The following SYN3 variants were observed in gnomAD, a reference collection of about 807,000 sequenced individuals.
SYN3 encodes the protein synapsin-3.
In SYN3, 35 loss-of-function variants were observed where a neutral mutation model predicts 65.8. That is an observed-to-expected ratio of 0.53 (90% CI 0.41 to 0.70). SYN3 has a LOEUF of 0.70. Among genes scored for constraint, SYN3 ranks in the 30% least tolerant of loss-of-function variants. The pLI is 0.00. For synonymous variants in SYN3, 270 were observed against 292.9 expected, an observed-to-expected ratio of 0.92 and a Z score of 0.80; for missense variants, 680 against 749.0, an observed-to-expected ratio of 0.91 and a Z score of 1.08.
chr22:32,955,497 A>G (rs1601779118), intron 3 of SYN3, among the ~76,000 whole-genome samples: 1 of 152,306 alleles, frequency 6.6e-6, no homozygotes, highest in East Asian at 1.9e-4. Context: ...CTTGCTTGAT[A>G]TTTTAAAGAT....
intron 6 of SYN3, among the ~76,000 whole-genome samples, chr22:32,600,975 C>A (rs146126574): frequency 3.5e-4 from 54 of 152,290 alleles, no homozygotes; most frequent in African/African-American, 1.2e-3. Context: ...GCGTGAGCCA[C>A]CCCTCCCGGC....
At chr22:33,056,198 C>A (rs1252443737) in intron 1 of SYN3, among the ~76,000 whole-genome samples, 1 of 152,166 alleles carries the variant, frequency 6.6e-6, no homozygotes, top group Admixed American at 6.6e-5. Context: ...TTATTAAAAG[C>A]TCCTCACAAA....
At chr22:32,586,528 G>A (rs190112376) in intron 7 of SYN3, among the ~76,000 whole-genome samples, 2 of 152,068 alleles carry the variant, frequency 1.3e-5, no homozygotes, top group East Asian at 1.9e-4. Context: ...ACTACACTTC[G>A]AGGGCATTTT....
At chr22:32,748,561 A>C (rs2045011196) in intron 6 of SYN3, among the ~76,000 whole-genome samples, 1 of 152,210 alleles carries the variant, frequency 6.6e-6, no homozygotes, top group Non-Finnish European at 1.5e-5. Flanking sequence ...GCATGGGAGA[A>C]TTCATTCATT....
Position 32,734,513 on chromosome 22 carries a change from G to GCAGGCAGGCAGGCAGACAGA in SYN3, c.711+130401_711+130402insTCTGTCTGCCTGCCTGCCTG, listed in dbSNP as rs1555941120. Among the ~76,000 whole-genome samples, 19 of 151,442 alleles carry GCAGGCAGGCAGGCAGACAGA rather than the reference G, an allele frequency of 1.3e-4. 1 individual carries two copies. In the East Asian group the frequency reaches 1.6e-3, roughly 13 times the overall value. ...GGAGGAGCAGAGAAGAGGCAGGCAG[G>GCAGGCAGGCAGGCAGACAGA]CAGACAGACAGACAGACAGACATCG... On this transcript the variant is annotated intron_variant, in intron 6 of 13. Coordinates refer to ENST00000358763, the MANE Select transcript of SYN3 (RefSeq NM_003490.4).
intron 6 of SYN3, among the ~76,000 whole-genome samples, chr22:32,652,991 C>T (rs983792744): frequency 6.6e-5 from 10 of 152,194 alleles, no homozygotes; most frequent in African/African-American, 2.2e-4. Flanking sequence ...TTTCATTGCA[C>T]GTGTTTTTTT....
At chr22:32,879,292 G>A (rs768592084) in intron 4 of SYN3, among the ~76,000 whole-genome samples, 3 of 152,288 alleles carry the variant, frequency 2.0e-5, no homozygotes, top group Non-Finnish European at 4.4e-5. Flanking sequence ...AAAATGTATT[G>A]AGCACTAATA....
At chr22:32,621,543 C>T (rs909437823) in intron 6 of SYN3, among the ~76,000 whole-genome samples, 2 of 152,230 alleles carry the variant, frequency 1.3e-5, no homozygotes, top group East Asian at 3.9e-4. Context: ...GGGTGCTGGT[C>T]TGCACAGGAG....
intron 4 of SYN3, among the ~76,000 whole-genome samples, chr22:32,923,130 A>G (rs545713371): frequency 2.0e-5 from 3 of 152,304 alleles, no homozygotes; most frequent in African/African-American, 7.2e-5. Flanking sequence ...CAGGAGTGTC[A>G]ACCGTATAAT....
intron 7 of SYN3, among the ~76,000 whole-genome samples, chr22:32,569,038 A>G (rs2058709690): frequency 1.3e-5 from 2 of 152,176 alleles, no homozygotes; most frequent in African/African-American, 4.8e-5. Context: ...GCACAATGCA[A>G]GTATATAGAT....
At chr22:32,749,796 T>C (rs2045056825) in intron 6 of SYN3, among the ~76,000 whole-genome samples, 1 of 152,200 alleles carries the variant, frequency 6.6e-6, no homozygotes, top group South Asian at 2.1e-4. Flanking sequence ...TAAATATTCA[T>C]TTGGTAGAGA....
intron 6 of SYN3, among the ~76,000 whole-genome samples, chr22:32,820,577 C>T (rs1032067714): frequency 3.3e-5 from 5 of 152,146 alleles, no homozygotes; most frequent in African/African-American, 1.2e-4. Flanking sequence ...TGAGATTTGT[C>T]CTGACCCATG....
chr22:32,730,318 C>T (rs1029128026), intron 6 of SYN3, among the ~76,000 whole-genome samples: 2 of 152,120 alleles, frequency 1.3e-5, no homozygotes, highest in East Asian at 3.9e-4. Context: ...TAATTGGTTC[C>T]CATCACTTCG....
At chr22:32,536,414 G>A (rs1383544271) in intron 9 of SYN3, among the ~76,000 whole-genome samples, 1 of 145,668 alleles carries the variant, frequency 6.9e-6, no homozygotes, top group Non-Finnish European at 1.5e-5. Flanking sequence ...CCTCACACCT[G>A]CACTCTGACT....
At chr22:32,810,145 AGGT>A (rs2046877571) in intron 6 of SYN3, among the ~76,000 whole-genome samples, 1 of 152,224 alleles carries the variant, frequency 6.6e-6, no homozygotes, top group Non-Finnish European at 1.5e-5. Flanking sequence ...GGAGGCCCAC[AGGT>A]GTCTATGTGG....
At chr22:32,640,665 G>C (rs1261807982) in intron 6 of SYN3, among the ~76,000 whole-genome samples, 1 of 152,102 alleles carries the variant, frequency 6.6e-6, no homozygotes, top group Non-Finnish European at 1.5e-5. Flanking sequence ...AGGAGATCGA[G>C]ACCATCCTGG....
rs1019963669 is a variant in SYN3, at chr22:32,839,623, A to G, written c.711+25292T>C. On this transcript the variant is annotated intron_variant, in intron 6 of 13. Transcript: ENST00000358763. ...TTTCTTCCAAATTGCTGGTGGCCCCAGGAAGAAATCAAGAGTGGCTGACTT... is the reference window on the plus strand; with the variant it reads ...TTTCTTCCAAATTGCTGGTGGCCCCGGGAAGAAATCAAGAGTGGCTGACTT... 6.6e-5 allele frequency among the ~76,000 whole-genome samples: 10 copies of G among 152,268 alleles called. No homozygotes were observed. In the East Asian group the frequency reaches 1.9e-3, roughly 29 times the overall value.
intron 4 of SYN3, among the ~76,000 whole-genome samples, chr22:32,876,070 C>G (rs560776301): frequency 2.9e-4 from 44 of 152,296 alleles, no homozygotes; most frequent in African/African-American, 1.1e-3. Flanking sequence ...GAACAAAATA[C>G]TATAGACTGG....
chr22:32,615,325 C>T (rs62232747), intron 6 of SYN3, among the ~76,000 whole-genome samples: 11,789 of 148,112 alleles, frequency 0.08, 647 homozygotes, highest in Middle Eastern at 0.13. Flanking sequence ...ATCCCAGCTA[C>T]TTGGGAGACT....
Sources: allele counts gnomAD v4.1 joint callset (sites outside exome capture counted in the v4.1 genomes callset), GRCh38; gene constraint gnomAD v4.1.1; transcripts MANE v1.5; gene names NCBI Gene and HGNC (gene_info 2026-07-23, HGNC 2026-07-21).